The following PUM2 variants were observed in gnomAD, a reference collection of about 807,000 sequenced individuals.
PUM2 encodes pumilio homolog 2.
In PUM2, 57 loss-of-function variants were observed where a neutral mutation model predicts 124.5. The observed-to-expected ratio is 0.46, with a 90% confidence interval of 0.37 to 0.57. PUM2 has a LOEUF of 0.57. Ranked by LOEUF, PUM2 falls within the 20% of genes least tolerant of loss-of-function variation. The pLI is 0.00. For missense variants in PUM2, 1,065 were observed against 1,290.6 expected, an observed-to-expected ratio of 0.83 and a Z score of 2.68; for synonymous variants, 460 against 446.1, an observed-to-expected ratio of 1.03 and a Z score of -0.39.
intron 2 of PUM2, chr2:20,326,292 CTT>C (rs967196216): frequency 2.3e-6 from 3 of 1,303,874 alleles, no homozygotes; most frequent in African/African-American, 3.0e-5. Flanking sequence ...ATGACATACT[CTT>C]TGGAAAACGC....
rs75793131 is a variant in PUM2, at chr2:20,337,944, C to T, written c.-18-10566G>A. 4.5e-3 allele frequency among the ~76,000 whole-genome samples: 688 copies of T among 152,238 alleles called. 3 individuals are homozygous for T. The highest frequency in any genetic ancestry group is 4.8e-3 in the Non-Finnish European group (325 of 68,034). On this transcript the variant is annotated intron_variant, in intron 1 of 20. Transcript: ENST00000361078. ...CTATAATCCAGCAAAGTCAATACTG[C>T]ATCATTACTTTGCAAATAGGAAAAC...
At chr2:20,316,828 C>T (rs1314966288) in intron 3 of PUM2, among the ~76,000 whole-genome samples, 1 of 152,130 alleles carries the variant, frequency 6.6e-6, no homozygotes, top group African/African-American at 2.4e-5. Context: ...GGTAAGATTT[C>T]GAGACCAGCC....
intron 16 of PUM2, 116 bp from the exon 17 acceptor site, chr2:20,256,286 T>C: frequency 3.2e-6 from 3 of 948,216 alleles, no homozygotes; most frequent in Non-Finnish European, 2.9e-6. Context: ...TATCTCAGTA[T>C]TAAAAATACT....
Position 20,250,789 on chromosome 2 carries a change from C to T in PUM2, c.*796G>A, listed in dbSNP as rs907537638. On this transcript the variant is annotated 3_prime_UTR_variant, in exon 21 of 21. Coordinates refer to ENST00000361078, the MANE Select transcript of PUM2 (RefSeq NM_015317.5). ...ATTTCCACTCTTTCTCATTGCAAAC[C>T]AAACTGAAAAGTTAATAAGTGACTT... is the stretch of plus-strand genomic sequence containing the variant. The T allele has an allele frequency of 3.9e-5, 6 of 152,500 alleles. No individual in the cohort carries two copies. Among genetic ancestry groups the T allele is most frequent in the Non-Finnish European group, 8.8e-5 (6 of 67,974 alleles). 9.4% of individuals were successfully genotyped at this position (152,500 alleles called of 1,614,324 possible). A position where few individuals can be genotyped will look rare whatever the true frequency, so the allele number is the denominator to read the frequency against.
intron 3 of PUM2, among the ~76,000 whole-genome samples, chr2:20,313,217 A>G (rs1406355689): frequency 6.6e-6 from 1 of 152,260 alleles, no homozygotes; most frequent in South Asian, 2.1e-4. Context: ...GGCAAATGGG[A>G]TCTAATTAAA....
Position 20,251,495 on chromosome 2 carries a change from G to C in PUM2, c.*90C>G, listed in dbSNP as rs1226006284. On this transcript the variant is annotated 3_prime_UTR_variant, in exon 21 of 21. Transcript: ENST00000361078. The stretch of plus-strand genomic sequence containing the variant: ...AGTTTTGCTTTAAAAAAAAATTGAA[G>C]ATTCATAGTTGAGTTGTGTTTTGAT... 7.2e-7 allele frequency: 1 copy of C among 1,379,978 alleles called. No individual in the cohort carries two copies. The highest frequency in any genetic ancestry group is 1.5e-5 in the African/African-American group (1 of 67,412). 85.5% of individuals were successfully genotyped at this position (1,379,978 alleles called of 1,614,324 possible).
intron 14 of PUM2, among the ~76,000 whole-genome samples, chr2:20,262,971 T>A (rs1188812991): frequency 9.9e-5 from 15 of 152,192 alleles, no homozygotes; most frequent in Admixed American, 9.8e-4. Flanking sequence ...ATTCTCATCA[T>A]AACAATATTC....
chr2:20,320,195 G>A (rs889244714), intron 2 of PUM2, among the ~76,000 whole-genome samples: 7 of 152,166 alleles, frequency 4.6e-5, no homozygotes, highest in Non-Finnish European at 7.3e-5. Flanking sequence ...AACCCAGGAG[G>A]TGGAGGTTGC....
intron 10 of PUM2, among the ~76,000 whole-genome samples, chr2:20,288,893 C>A (rs1206730949): frequency 1.3e-5 from 2 of 152,316 alleles, no homozygotes; most frequent in African/African-American, 2.4e-5. Context: ...CTGAAACATA[C>A]AAATACAAAT....
intron 2 of PUM2, among the ~76,000 whole-genome samples, chr2:20,324,646 T>C (rs1157660161): frequency 1.3e-5 from 2 of 152,298 alleles, no homozygotes; most frequent in East Asian, 3.9e-4. Context: ...TTAAGCCACA[T>C]GACATAATGC....
chr2:20,261,080 T>C (rs1666087072), intron 14 of PUM2, among the ~76,000 whole-genome samples: 1 of 152,134 alleles, frequency 6.6e-6, no homozygotes, highest in South Asian at 2.1e-4. Context: ...ATAAACCTAC[T>C]GCACTGTCAG....
chr2:20,259,119 A>T (rs1260835877), intron 15 of PUM2, among the ~76,000 whole-genome samples: 1 of 152,220 alleles, frequency 6.6e-6, no homozygotes, highest in Non-Finnish European at 1.5e-5. Context: ...AAATTTAAAA[A>T]TTGGCTAAAC....
chr2:20,258,708 T>A (rs936718393), intron 15 of PUM2, among the ~76,000 whole-genome samples: 1 of 141,240 alleles, frequency 7.1e-6, no homozygotes, highest in African/African-American at 2.6e-5. Flanking sequence ...TCGCCCAGGC[T>A]GGACTGCGGA....
chr2:20,253,297 C>T (rs971273250), intron 20 of PUM2, among the ~76,000 whole-genome samples: 3 of 152,286 alleles, frequency 2.0e-5, no homozygotes, highest in East Asian at 1.9e-4. Flanking sequence ...CCTCAACCTC[C>T]GGGACTCAGG....
chr2:20,263,325 T>C lies in PUM2; in HGVS notation c.2093A>G (p.Asn698Ser). ...QLFPPSRLRY[N>S]RSDIMPSGRS... ...GCCAGAAGGCATAATATCAGACCTA[T>C]TATACCGAAGCCGGGAAGGAGGAAA... Residue 698 changes from asparagine (N) to serine (S), a missense_variant, in exon 14 of 21, where the codon AAT becomes AGT. By Grantham distance (46) the Asn-to-Ser change is conservative. Transcript: ENST00000361078. 1 of 1,614,170 alleles carries C rather than the reference T, an allele frequency of 6.2e-7. No individual in the cohort carries two copies. Among genetic ancestry groups the C allele is most frequent in the Admixed American group, 1.7e-5 (1 of 60,012 alleles).
chr2:20,322,302 G>A (rs1682568326), intron 2 of PUM2, among the ~76,000 whole-genome samples: 1 of 152,084 alleles, frequency 6.6e-6, no homozygotes, highest in African/African-American at 2.4e-5. Flanking sequence ...TCAAAACTAA[G>A]TTGTAACAGG....
chr2:20,312,221 A>G lies in PUM2; in HGVS notation c.348+15T>C. On this transcript the variant is annotated intron_variant, in intron 4 of 20. Coordinates refer to ENST00000361078, the MANE Select transcript of PUM2 (RefSeq NM_015317.5). ...TCAAGCAAATATTAAATATTTCTTTATTCAAAATACTTACAAAATTTCCCT... is the reference window on the plus strand; with the variant it reads ...TCAAGCAAATATTAAATATTTCTTTGTTCAAAATACTTACAAAATTTCCCT... 2 of 1,552,256 alleles carry G rather than the reference A, an allele frequency of 1.3e-6. No individual in the cohort carries two copies. Among genetic ancestry groups the G allele is most frequent in the Non-Finnish European group, 1.8e-6 (2 of 1,134,296 alleles).
chr2:20,315,422 C>A (rs929147407), intron 3 of PUM2, among the ~76,000 whole-genome samples: 1 of 152,074 alleles, frequency 6.6e-6, no homozygotes, highest in Non-Finnish European at 1.5e-5. Flanking sequence ...AGGTGTTATG[C>A]ATATTTTTAT....
chr2:20,319,562 T>TA (rs1394482963), intron 2 of PUM2, among the ~76,000 whole-genome samples: 1 of 152,210 alleles, frequency 6.6e-6, no homozygotes, highest in Non-Finnish European at 1.5e-5. Context: ...TGCTCACCTT[T>TA]AGAGAGCTCA....
Sources: gnomAD v4.1 joint callset for allele counts (sites outside exome capture counted in the v4.1 genomes callset) on GRCh38, gnomAD v4.1.1 for gene constraint, MANE v1.5 for transcripts, NCBI Gene and HGNC (gene_info 2026-07-23, HGNC 2026-07-21) for gene names.